WDR72: variants seen among roughly 807,000 people sequenced by gnomAD.
The protein encoded by WDR72 is WD repeat-containing protein 72.
Under a neutral mutation model 124.2 loss-of-function variants are expected in WDR72, and 120 were observed. That is an observed-to-expected ratio of 0.97 (90% confidence interval 0.83 to 1.12). The LOEUF is 1.12. Ranked by LOEUF, WDR72 falls within the 50% of genes most tolerant of loss-of-function variation. WDR72 has a pLI of 0.00. For synonymous variants in WDR72, 452 were observed against 441.7 expected (o/e 1.02, Z -0.29); for missense variants, 1,387 against 1,278.8 (o/e 1.08, Z -1.29).
chr15:53,629,306 A>G (rs897353728), intron 14 of WDR72, among the ~76,000 whole-genome samples: 23 of 152,272 alleles, frequency 1.5e-4, no homozygotes, highest in African/African-American at 5.1e-4. Flanking sequence ...CCAAACTTCT[A>G]TAACACAGGG....
At chr15:53,614,524 T>A (rs1249680063) in intron 15 of WDR72, among the ~76,000 whole-genome samples, 1 of 152,076 alleles carries the variant, frequency 6.6e-6, no homozygotes, top group African/African-American at 2.4e-5. Context: ...AACCAACGTG[T>A]GACAACATTT....
chr15:53,544,766 T>G (rs1349387190), intron 18 of WDR72, among the ~76,000 whole-genome samples: 1 of 150,168 alleles, frequency 6.7e-6, no homozygotes, highest in African/African-American at 2.5e-5. Context: ...GAAAACCCCA[T>G]TGCCTCAGCC....
At chr15:53,678,370 G>C (rs1025911843) in intron 13 of WDR72, among the ~76,000 whole-genome samples, 3 of 152,164 alleles carry the variant, frequency 2.0e-5, no homozygotes, top group African/African-American at 7.2e-5. Flanking sequence ...TAAGAAACAG[G>C]TACTGATTAG....
chr15:53,700,041 GT>G, intron 12 of WDR72, 96 bp from the exon 13 acceptor site: 1 of 1,399,048 alleles, frequency 7.1e-7, no homozygotes, highest in Non-Finnish European at 1.0e-6. Context: ...AAAAAGTTTT[GT>G]TAAAGCCCCA....
At chr15:53,727,640 C>A (rs1481215954) in intron 2 of WDR72, among the ~76,000 whole-genome samples, 2 of 152,128 alleles carry the variant, frequency 1.3e-5, no homozygotes, top group African/African-American at 4.8e-5. Context: ...TGCATTTAAT[C>A]CCTTTCCAGT....
chr15:53,679,184 G>T (rs1211266983), intron 13 of WDR72, among the ~76,000 whole-genome samples: 1 of 152,216 alleles, frequency 6.6e-6, no homozygotes, highest in Non-Finnish European at 1.5e-5. Flanking sequence ...TTACTGTTCA[G>T]TGGGTATGGA....
intron 9 of WDR72, among the ~76,000 whole-genome samples, chr15:53,710,026 A>G (rs2017487935): frequency 6.6e-6 from 1 of 152,214 alleles, no homozygotes; most frequent in Admixed American, 6.5e-5. Context: ...TTTGGATAAC[A>G]CTACTGAAAG....
In WDR72 at chr15:53,711,369, T is replaced by C. The variant is rs2017533078; in HGVS notation, c.824A>G (p.Asp275Gly). ...AAHRILIWTE[D>G]GHSYIYQLLN... Reference sequence around the variant, plus strand: ...CAGCTGATAGATGTAACTGTGACCATCTTCTGTCCAGATGAGGATTCTGTG... The same window carrying C: ...CAGCTGATAGATGTAACTGTGACCACCTTCTGTCCAGATGAGGATTCTGTG... Residue 275 changes from aspartate to glycine, a missense_variant, in exon 8 of 20, where the codon GAT becomes GGT. Physicochemically the swap from Asp to Gly is moderately conservative, Grantham distance 94 (BLOSUM62 -1). Coordinates refer to ENST00000360509, the MANE Select transcript of WDR72 (RefSeq NM_182758.4). 1 of 1,614,186 alleles carries C rather than the reference T, an allele frequency of 6.2e-7. No homozygotes were observed. Among genetic ancestry groups the C allele is most frequent in the East Asian group, 2.2e-5 (1 of 44,870 alleles).
intron 18 of WDR72, among the ~76,000 whole-genome samples, chr15:53,570,110 C>T (rs1221277831): frequency 1.3e-5 from 2 of 151,958 alleles, no homozygotes; most frequent in Admixed American, 1.3e-4. Flanking sequence ...CCCTTTTTTC[C>T]AGTATATACT....
chr15:53,518,252 TA>T (rs1018600657), intron 19 of WDR72, among the ~76,000 whole-genome samples: 1 of 151,978 alleles, frequency 6.6e-6, no homozygotes, highest in Non-Finnish European at 1.5e-5. Context: ...CTTTGTAGGC[TA>T]AAAAAAGCCA....
At position 53,710,787 on chromosome 15, in the gene WDR72, A is replaced by T. The variant is rs553480467; in HGVS notation, c.954+70T>A. On this transcript the variant is annotated intron_variant, in intron 9 of 19. Coordinates refer to ENST00000360509, the MANE Select transcript of WDR72 (RefSeq NM_182758.4). Reference sequence around the variant, plus strand: ...ATTTTTTCAAGCCTGATTCTGTGACAGACAAAGCAACACTTATCCAAGAAA... The same window carrying T: ...ATTTTTTCAAGCCTGATTCTGTGACTGACAAAGCAACACTTATCCAAGAAA... 15 of 1,279,370 alleles carry T rather than the reference A, an allele frequency of 1.2e-5. No individual in the cohort carries two copies. The African/African-American group carries it at 2.0e-4, about 17-fold the overall frequency. 79.3% of individuals were successfully genotyped at this position (1,279,370 alleles called of 1,614,324 possible).
At chr15:53,546,269 G>A (rs1400698659) in intron 18 of WDR72, among the ~76,000 whole-genome samples, 1 of 152,092 alleles carries the variant, frequency 6.6e-6, no homozygotes, top group African/African-American at 2.4e-5. Flanking sequence ...CAACCCAGAT[G>A]TCCAACAGTG....
intron 14 of WDR72, among the ~76,000 whole-genome samples, chr15:53,648,850 T>C (rs117934120): frequency 9.1e-5 from 13 of 142,204 alleles, no homozygotes; most frequent in Non-Finnish European, 1.5e-4. Context: ...TAGCAACTGA[T>C]TGACAAGATC....
intron 18 of WDR72, among the ~76,000 whole-genome samples, chr15:53,573,825 C>T (rs1340923748): frequency 3.3e-5 from 5 of 152,216 alleles, no homozygotes; most frequent in Non-Finnish European, 4.4e-5. Flanking sequence ...GGATTACAGG[C>T]GTGAGCCACG....
chr15:53,622,883 C>T (rs936365486), intron 14 of WDR72, among the ~76,000 whole-genome samples: 5 of 152,108 alleles, frequency 3.3e-5, no homozygotes, highest in Non-Finnish European at 5.9e-5. Flanking sequence ...ACTACCCTCC[C>T]CGCAAAACAG....
intron 1 of WDR72, among the ~76,000 whole-genome samples, chr15:53,751,770 G>A (rs896438224): frequency 6.6e-6 from 1 of 152,128 alleles, no homozygotes; most frequent in African/African-American, 2.4e-5. Context: ...GAGACAGCAT[G>A]TACCGGTGGG....
At chr15:53,636,419 T>A (rs2014625152) in intron 14 of WDR72, among the ~76,000 whole-genome samples, 1 of 152,184 alleles carries the variant, frequency 6.6e-6, no homozygotes, top group African/African-American at 2.4e-5. Flanking sequence ...ATACCCAAAC[T>A]ACAAACTAAC....
intron 18 of WDR72, among the ~76,000 whole-genome samples, chr15:53,591,810 T>C (rs905311898): frequency 2.0e-5 from 3 of 152,026 alleles, no homozygotes; most frequent in East Asian, 1.9e-4. Context: ...ATTATTCTTA[T>C]TGTCTTTAAA....
Position 53,609,510 on chromosome 15 carries a change from T to C in WDR72, c.2952+3A>G. The C allele has an allele frequency of 6.2e-7, 1 of 1,612,566 alleles. No individual in the cohort carries two copies. The highest frequency in any genetic ancestry group is 8.5e-7 in the Non-Finnish European group (1 of 1,178,856). On this transcript the variant is annotated splice_donor_region_variant and intron_variant, in intron 17 of 19. Coordinates refer to ENST00000360509, the MANE Select transcript of WDR72 (RefSeq NM_182758.4). ...AACGTCATGAATGTGAATTATATCATACCTGCACAGACTGGTCTCTCCAAC... is the reference window on the plus strand; with the variant it reads ...AACGTCATGAATGTGAATTATATCACACCTGCACAGACTGGTCTCTCCAAC...
Sources: allele counts gnomAD v4.1 joint callset (sites outside exome capture counted in the v4.1 genomes callset), GRCh38; gene constraint gnomAD v4.1.1; transcripts MANE v1.5; gene names NCBI Gene and HGNC (gene_info 2026-07-23, HGNC 2026-07-21).